The following SASH1 variants were observed in gnomAD, a reference collection of about 807,000 sequenced individuals.
SASH1 encodes SAM and SH3 domain containing 1, also known as SAM and SH3 domain-containing protein 1.
Under a neutral mutation model 125.2 loss-of-function variants are expected in SASH1, and 44 were observed. The ratio of observed to expected loss-of-function variants is 0.35; its 90% CI spans 0.28 to 0.45. SASH1 has a LOEUF of 0.45. Ranked by LOEUF, SASH1 falls within the 20% of genes least tolerant of loss-of-function variation. SASH1 has a pLI of 1.00. For synonymous variants in SASH1, 639 were observed against 649.1 expected (o/e 0.98, Z 0.24); for missense variants, 1,426 against 1,614.5 (o/e 0.88, Z 2.00).
intron 1 of SASH1, among the ~76,000 whole-genome samples, chr6:148,309,421 C>G (rs1780239682): frequency 1.3e-5 from 2 of 152,110 alleles, no homozygotes; most frequent in African/African-American, 4.8e-5. Context: ...GGATCAGAAT[C>G]AAGACCTCAG....
At chr6:148,302,819 AG>A (rs1562314546) in intron 1 of SASH1, among the ~76,000 whole-genome samples, 1 of 45,932 alleles carries the variant, frequency 2.2e-5, no homozygotes, top group Non-Finnish European at 4.2e-5. Context: ...TGACCTCAGG[AG>A]TATATATATA....
intron 1 of SASH1, among the ~76,000 whole-genome samples, chr6:148,280,885 T>C (rs542488967): frequency 7.9e-5 from 12 of 152,122 alleles, no homozygotes; most frequent in Admixed American, 3.3e-4. Flanking sequence ...ATATGGCATG[T>C]CATTGTGAAA....
chr6:148,241,475 C>T, the SASH1 span, among the ~76,000 whole-genome samples: 1 of 152,322 alleles, frequency 6.6e-6, no homozygotes, highest in East Asian at 1.9e-4. Flanking sequence ...AGGCAAATGG[C>T]ATCTCCTCTT....
At chr6:148,367,279 A>G (rs1782506950) in intron 1 of SASH1, among the ~76,000 whole-genome samples, 1 of 152,130 alleles carries the variant, frequency 6.6e-6, no homozygotes, top group Non-Finnish European at 1.5e-5. Context: ...CGCGGTTTAT[A>G]ATTATGCTTC....
chr6:148,236,345 C>A, the SASH1 span, among the ~76,000 whole-genome samples: 2 of 152,022 alleles, frequency 1.3e-5, no homozygotes. Flanking sequence ...TCCTGAGTAG[C>A]TGGGATTACA....
chr6:148,492,703 C>A (rs1779157185), intron 8 of SASH1, among the ~76,000 whole-genome samples: 1 of 152,062 alleles, frequency 6.6e-6, no homozygotes, highest in Non-Finnish European at 1.5e-5. Context: ...TGCCTATAGT[C>A]CCAGCTACTT....
chr6:148,420,217 A>G (rs534908301), intron 2 of SASH1, among the ~76,000 whole-genome samples: 10 of 152,332 alleles, frequency 6.6e-5, no homozygotes, highest in Admixed American at 2.0e-4. Flanking sequence ...GCGTGTGTGT[A>G]TGTAAATTTT....
the SASH1 span, among the ~76,000 whole-genome samples, chr6:148,193,961 A>G: frequency 6.6e-6 from 1 of 152,002 alleles, no homozygotes; most frequent in Non-Finnish European, 1.5e-5. Context: ...ATTTCTTGGA[A>G]CTCTGTGTTG....
rs114646872 is a variant in SASH1, at chr6:148,548,248, G to A, written c.3481-47G>A. ...TTTAGACATACGCGAAGTAGTCCTC[G>A]ATGACACATGGAGCGTTTCTATCAT... On this transcript the variant is annotated intron_variant, in intron 19 of 19. Coordinates refer to ENST00000367467, the MANE Select transcript of SASH1 (RefSeq NM_015278.5). 1.4e-3 allele frequency: 2,122 copies of A among 1,545,460 alleles called. 23 individuals carry two copies. The African/African-American group carries it at 0.025, about 18-fold the overall frequency.
chr6:148,265,375 G>C, the SASH1 span, among the ~76,000 whole-genome samples: 5 of 151,094 alleles, frequency 3.3e-5, no homozygotes, highest in Non-Finnish European at 5.9e-5. Context: ...GAGGGAGGGA[G>C]GGAGGAAGGA....
intron 10 of SASH1, chr6:148,520,148 C>T (rs571347948): frequency 2.1e-5 from 10 of 482,876 alleles, no homozygotes; most frequent in Admixed American, 7.1e-5. Flanking sequence ...GGAGGGTGCG[C>T]GGGCGCACCT....
Position 148,533,010 on chromosome 6 carries a change from A to G in SASH1, c.1734+44A>G, listed in dbSNP as rs370888808. On this transcript the variant is annotated intron_variant, in intron 14 of 19. Coordinates refer to ENST00000367467, the MANE Select transcript of SASH1 (RefSeq NM_015278.5). This position sits in a 1 kb window ranked among gnomAD's most constrained non-coding sequence, Gnocchi z 6.2. ...TCAGAGCAGCTAACTGGGCTCTTCC[A>G]TTTCTCTAGGAGGCTTTCTTTCCTC... 1.4e-5 allele frequency: 22 copies of G among 1,599,094 alleles called. No individual in the cohort carries two copies. In the African/African-American group the frequency reaches 2.5e-4, roughly 19 times the overall value.
the SASH1 span, among the ~76,000 whole-genome samples, chr6:148,241,707 G>A: frequency 7.7e-4 from 118 of 152,306 alleles, 1 homozygote; most frequent in African/African-American, 2.6e-3. Flanking sequence ...CTGGAGCCAC[G>A]CAATTGGGGT....
chr6:148,307,086 TTCTTTCTTTCTC>T (rs1386191626), intron 1 of SASH1, among the ~76,000 whole-genome samples: 15 of 120,910 alleles, frequency 1.2e-4, no homozygotes, highest in Non-Finnish European at 2.3e-4. Context: ...CTTTCTTTCT[TTCTTTCTTTCTC>T]TCTCTCTGTC....
chr6:148,427,125 G>A (rs1393461970), intron 2 of SASH1, among the ~76,000 whole-genome samples: 1 of 152,014 alleles, frequency 6.6e-6, no homozygotes, highest in African/African-American at 2.4e-5. Flanking sequence ...CTCCAGCTTG[G>A]GCAACAGAGT....
At chr6:148,465,352 G>A (rs1562433894) in intron 4 of SASH1, among the ~76,000 whole-genome samples, 1 of 152,074 alleles carries the variant, frequency 6.6e-6, no homozygotes, top group South Asian at 2.1e-4. Flanking sequence ...AGGAGTTCAA[G>A]TCCAGCCTGG....
At chr6:148,534,599 T>C (rs1245492493) in intron 15 of SASH1, 152 bp from the exon 16 acceptor site, 4 of 773,730 alleles carry the variant, frequency 5.2e-6, no homozygotes, top group Non-Finnish European at 8.9e-6. Context: ...GGCTGGGATG[T>C]ACAGGATCCA....
At chr6:148,424,097 A>T (rs1016100749) in intron 2 of SASH1, among the ~76,000 whole-genome samples, 1 of 151,896 alleles carries the variant, frequency 6.6e-6, no homozygotes, top group Non-Finnish European at 1.5e-5. Flanking sequence ...CACATGTTGT[A>T]AGTAATTTAT....
intron 4 of SASH1, among the ~76,000 whole-genome samples, chr6:148,461,395 A>G (rs1777606339): frequency 6.6e-6 from 1 of 152,224 alleles, no homozygotes; most frequent in South Asian, 2.1e-4. Flanking sequence ...CGGCTTGACA[A>G]AATGTCACCC....
Sources: gnomAD v4.1 joint callset for allele counts (sites outside exome capture counted in the v4.1 genomes callset) on GRCh38, gnomAD v4.1.1 for gene constraint, Gnocchi (gnomAD v3.1) non-coding constraint, MANE v1.5 for transcripts, NCBI Gene and HGNC (gene_info 2026-07-23, HGNC 2026-07-21) for gene names.